NME6: variants seen among roughly 807,000 people sequenced by gnomAD.
NME6 encodes NME/NM23 nucleoside diphosphate kinase 6.
A neutral mutation model predicts 22.2 loss-of-function variants in NME6; 16 were observed. The ratio of observed to expected loss-of-function variants is 0.72; its 90% CI spans 0.49 to 1.09. The LOEUF (loss-of-function observed/expected upper bound fraction) is 1.09. NME6 is among the 50% of genes least tolerant of loss of function. NME6 has a pLI of 0.00. For missense variants in NME6, 229 were observed against 239.0 expected (o/e 0.96, Z 0.28); for synonymous variants, 58 against 85.2 (o/e 0.68, Z 1.76).
Position 48,296,771 on chromosome 3 carries a change from A to G in NME6, c.149T>C (p.Leu50Pro). ...KFLIVRMREL[L>P]WRKEDCQRFY... ...CCTCTGGCAATCTTCCTTTCTCCAC[A>G]GTAGTTCTCTCATTCGTACAATCAG... The change falls in exon 3 of 6, where the codon CTG becomes CCG. Residue 50 changes from leucine (L) to proline (P), a missense_variant. Leu to Pro is a moderately conservative substitution (Grantham distance 98). Coordinates refer to ENST00000442597, the MANE Select transcript of NME6 (RefSeq NM_001308426.2). 1 of 1,613,878 alleles carries G rather than the reference A, an allele frequency of 6.2e-7. No individual in the cohort carries two copies. The highest frequency in any genetic ancestry group is 1.1e-5 in the South Asian group (1 of 91,064).
At chr3:48,288,072 TTTAAGA>T (rs2034259767), downstream of NME6, among the ~76,000 whole-genome samples, 2 of 152,038 alleles carry the variant, frequency 1.3e-5, no homozygotes, top group Non-Finnish European at 2.9e-5. Flanking sequence ...GATTTACTGA[TTTAAGA>T]TTTTCTTTTT....
chr3:48,300,370 G>C (rs2035564202), intron 1 of NME6: 2 of 456,318 alleles, frequency 4.4e-6, no homozygotes, highest in African/African-American at 4.0e-5. Flanking sequence ...TGGCTTGACA[G>C]CCTTTGTGTG....
At chr3:48,296,071 G>A (rs924720400) in intron 4 of NME6, 48 bp downstream of exon 4, 1 of 1,198,614 alleles carries the variant, frequency 8.3e-7, no homozygotes. Flanking sequence ...TAGGGGCAGG[G>A]GAGATTAGCC....
downstream of NME6, among the ~76,000 whole-genome samples, chr3:48,287,784 T>C (rs962971248): frequency 2.6e-5 from 4 of 152,108 alleles, no homozygotes; most frequent in African/African-American, 4.8e-5. Context: ...TTGTTCATCC[T>C]AACAAGAAGG....
intron 2 of NME6, 41 bp from the exon 3 acceptor site, chr3:48,296,870 A>G: frequency 6.8e-7 from 1 of 1,462,438 alleles, no homozygotes; most frequent in South Asian, 1.2e-5. Context: ...CAATCAGGAG[A>G]CTGAAACTGA....
At chr3:48,295,043 A>G in intron 5 of NME6, 32 bp downstream of exon 5, 2 of 1,598,136 alleles carry the variant, frequency 1.3e-6, no homozygotes, top group Non-Finnish European at 8.6e-7. Context: ...GCTAACCCCA[A>G]AATATCCTAT....
At chr3:48,292,312 A>T (rs566500130), downstream of NME6, 8 of 152,192 alleles carry the variant, frequency 5.3e-5, no homozygotes, top group African/African-American at 1.9e-4. Context: ...GTTCACACTG[A>T]TATCTCCAAT....
At chr3:48,301,295 C>T (rs201143379) in intron 1 of NME6, 58 bp downstream of exon 1, 1 of 1,599,052 alleles carries the variant, frequency 6.3e-7, no homozygotes, top group South Asian at 1.1e-5. Context: ...CCTAAGCCCA[C>T]CCCAGATTCT....
chr3:48,295,565 G>A (rs1156787425), intron 4 of NME6: 12 of 276,116 alleles, frequency 4.3e-5, no homozygotes, highest in Non-Finnish European at 5.5e-5. Flanking sequence ...TTTTTGAGAT[G>A]GAGTCTCACT....
In NME6 at chr3:48,298,477, T is replaced by C. The variant is rs1575327050; in HGVS notation, c.40A>G (p.Thr14Ala). 6.2e-7 allele frequency: 1 copy of C among 1,611,954 alleles called. No individual in the cohort carries two copies. The highest frequency in any genetic ancestry group is 1.3e-5 in the African/African-American group (1 of 74,912). The change falls in exon 2 of 6, where the codon ACT (threonine) becomes GCT (alanine). Residue 14 changes from threonine to alanine, a missense_variant. Transcript: ENST00000442597. ...GCGTCAGGCTTGATCAGGGCTAGAG[T>C]GAGCTGGAGAGCCTGAGGGCTTCGC... ...ILRSPQALQL[T>A]LALIKPDAVA...
At chr3:48,288,283 A>G (rs989971757), downstream of NME6, among the ~76,000 whole-genome samples, 3 of 151,774 alleles carry the variant, frequency 2.0e-5, no homozygotes, top group Admixed American at 6.6e-5. Context: ...TGGGAGGCTC[A>G]GGTGGGAAGA....
chr3:48,290,259 A>T (rs541490194), downstream of NME6, among the ~76,000 whole-genome samples: 31 of 151,808 alleles, frequency 2.0e-4, no homozygotes, highest in African/African-American at 7.5e-4. Context: ...AATTAAAAAA[A>T]AATTTTTTTT....
chr3:48,287,839 G>T (rs1205607540), downstream of NME6, among the ~76,000 whole-genome samples: 1 of 152,136 alleles, frequency 6.6e-6, no homozygotes, highest in African/African-American at 2.4e-5. Flanking sequence ...GCTCAATGTG[G>T]TCTTGGGAGT....
chr3:48,295,431 G>A (rs1282670199), intron 4 of NME6, 196 bp from the exon 5 acceptor site: 2 of 583,800 alleles, frequency 3.4e-6, no homozygotes, highest in Non-Finnish European at 5.8e-6. Context: ...TCAGCAGGGT[G>A]GCTATGCAGC....
Position 48,296,154 on chromosome 3 carries a change from A to C in NME6, c.198T>G (p.Arg66=). ...CQRFYREHEG[R]FFYQRLVEFM... is the part of the protein sequence containing the mutation. The stretch of plus-strand genomic sequence containing the variant: ...ACTCCACCAGCCTCTGATAGAAAAA[A>C]CGCCCTGCAAAGAGAGAGGACCTTC... Residue 66 remains arginine, a synonymous_variant, in exon 4 of 6, where the codon CGT becomes CGG. Transcript: ENST00000442597. The C allele has an allele frequency of 6.2e-7, 1 of 1,614,080 alleles. No individual in the cohort carries two copies. Among genetic ancestry groups the C allele is most frequent in the Non-Finnish European group, 8.5e-7 (1 of 1,180,018 alleles).
At chr3:48,291,128 T>C (rs2034424129), downstream of NME6, 1 of 296,386 alleles carries the variant, frequency 3.4e-6, no homozygotes, top group Non-Finnish European at 6.7e-6. Flanking sequence ...GATTGCAGTA[T>C]GTCTTATTTG....
rs985834552 is a variant in NME6 at position 48,293,897 on chromosome 3, G to A, written c.*740C>T. On this transcript the variant is annotated 3_prime_UTR_variant, in exon 6 of 6. Coordinates refer to ENST00000442597, the MANE Select transcript of NME6 (RefSeq NM_001308426.2). The stretch of plus-strand genomic sequence containing the variant: ...TGTGGGATCAGAAAATCCAAGAGAA[G>A]AGAGTGTTTCTGGAGAATGAAGCAA... 5 of 151,888 alleles carry A rather than the reference G, an allele frequency of 3.3e-5. No homozygotes were observed. The highest frequency in any genetic ancestry group is 1.2e-4 in the African/African-American group (5 of 41,428). The allele number at this position is 151,888 out of a possible 1,614,324, so 9.4% of individuals were successfully genotyped here. A position where few individuals can be genotyped will look rare whatever the true frequency, so the allele number is the denominator to read the frequency against.
At chr3:48,301,223 C>A in intron 1 of NME6, 130 bp downstream of exon 1, 2 of 1,506,668 alleles carry the variant, frequency 1.3e-6, no homozygotes, top group Non-Finnish European at 1.8e-6. Context: ...CCTCAACTCT[C>A]GACCCAGCCC....
chr3:48,289,580 T>C (rs2034320447), downstream of NME6, among the ~76,000 whole-genome samples: 1 of 152,074 alleles, frequency 6.6e-6, no homozygotes, highest in Non-Finnish European at 1.5e-5. Flanking sequence ...TTCCCTCTTT[T>C]CTCCTGGCTG....
Sources: allele counts gnomAD v4.1 joint callset (sites outside exome capture counted in the v4.1 genomes callset), GRCh38; gene constraint gnomAD v4.1.1; transcripts MANE v1.5; gene names NCBI Gene and HGNC (gene_info 2026-07-23, HGNC 2026-07-21).